The following RNF150 variants were observed in gnomAD, a reference collection of about 807,000 sequenced individuals.
RNF150 encodes ring finger protein 150.
A neutral mutation model predicts 39.3 loss-of-function variants in RNF150; 24 were observed. The observed-to-expected ratio is 0.61, with a 90% confidence interval of 0.44 to 0.86. The LOEUF is 0.86. Ranked by LOEUF, RNF150 falls within the 40% of genes least tolerant of loss-of-function variation. RNF150 has a pLI of 0.00. For missense variants in RNF150, 502 were observed against 587.8 expected, an observed-to-expected ratio of 0.85 and a Z score of 1.51; for synonymous variants, 255 against 227.3, an observed-to-expected ratio of 1.12 and a Z score of -1.10.
intron 1 of RNF150, among the ~76,000 whole-genome samples, chr4:141,118,914 C>A (rs1726520972): frequency 6.6e-6 from 1 of 152,116 alleles, no homozygotes; most frequent in Non-Finnish European, 1.5e-5. Context: ...GTACCCACCA[C>A]CATGCCTGGC....
chr4:141,002,630 C>T (rs1734707119), intron 1 of RNF150, among the ~76,000 whole-genome samples: 1 of 152,120 alleles, frequency 6.6e-6, no homozygotes, highest in Non-Finnish European at 1.5e-5. Context: ...AATTGCTAAA[C>T]CTTTTAGGAA....
chr4:140,944,134 G>T (rs1732193796), intron 4 of RNF150, among the ~76,000 whole-genome samples: 1 of 152,120 alleles, frequency 6.6e-6, no homozygotes, highest in Non-Finnish European at 1.5e-5. Flanking sequence ...GAATCAGAGA[G>T]GCTAACTTAC....
chr4:141,120,918 G>C (rs901290165), intron 1 of RNF150, among the ~76,000 whole-genome samples: 1 of 152,158 alleles, frequency 6.6e-6, no homozygotes, highest in South Asian at 2.1e-4. Flanking sequence ...CAGATGGCAG[G>C]GGGCAGGAAG....
chr4:140,871,649 A>G (rs572499140), intron 6 of RNF150, among the ~76,000 whole-genome samples: 1 of 152,352 alleles, frequency 6.6e-6, no homozygotes, highest in East Asian at 1.9e-4. Context: ...CCAAAAAAAA[A>G]ATAGCACAGA....
chr4:140,921,389 A>AC (rs1731137995), intron 5 of RNF150, among the ~76,000 whole-genome samples: 2 of 151,202 alleles, frequency 1.3e-5, no homozygotes, highest in Admixed American at 1.3e-4. Flanking sequence ...AAATTCCTCG[A>AC]CACATACACT....
intron 1 of RNF150, among the ~76,000 whole-genome samples, chr4:141,001,526 C>A (rs1239872740): frequency 6.6e-6 from 1 of 152,178 alleles, no homozygotes; most frequent in South Asian, 2.1e-4. Flanking sequence ...TCTTTGGGAT[C>A]TTCTTTTTAC....
At chr4:141,018,029 A>G (rs1735345438) in intron 1 of RNF150, among the ~76,000 whole-genome samples, 1 of 152,186 alleles carries the variant, frequency 6.6e-6, no homozygotes, top group African/African-American at 2.4e-5. Context: ...CATCTGTATA[A>G]CAGTTAGGGG....
chr4:141,191,302 C>T lies in RNF150; in HGVS notation c.-6+21492G>A, dbSNP rs187139792. 4.3e-4 allele frequency among the ~76,000 whole-genome samples: 66 copies of T among 152,224 alleles called. 1 individual carries two copies. The highest frequency in any genetic ancestry group is 2.4e-3 in the Admixed American group (36 of 15,288). ...GCCTCAAGTAATCCCTGGCTGACAC[C>T]GCCTCACTCAGCCCCTCTTCTGAGA... On this transcript the variant is annotated intron_variant, in intron 1 of 7. Coordinates refer to the RNF150 transcript ENST00000420921.
chr4:140,873,319 A>C (rs2111188221), intron 6 of RNF150, among the ~76,000 whole-genome samples: 1 of 152,330 alleles, frequency 6.6e-6, no homozygotes, highest in Middle Eastern at 3.4e-3. Flanking sequence ...GGGCTAAATC[A>C]GTGGTTCACA....
intron 1 of RNF150, among the ~76,000 whole-genome samples, chr4:141,098,043 T>C (rs1452987853): frequency 6.6e-6 from 1 of 152,136 alleles, no homozygotes; most frequent in Non-Finnish European, 1.5e-5. Flanking sequence ...CATATAAATA[T>C]GTCACACAGC....
intron 4 of RNF150, among the ~76,000 whole-genome samples, chr4:140,930,139 T>C (rs755663425): frequency 3.3e-5 from 5 of 152,026 alleles, no homozygotes; most frequent in Non-Finnish European, 1.5e-5. Flanking sequence ...CCTGCCTGGG[T>C]GACAGAGCAA....
At chr4:141,194,256 C>T (rs1014245436) in intron 1 of RNF150, among the ~76,000 whole-genome samples, 1 of 152,144 alleles carries the variant, frequency 6.6e-6, no homozygotes, top group Non-Finnish European at 1.5e-5. Flanking sequence ...TATACACATT[C>T]AAAGTGTTGA....
At chr4:140,947,824 T>A in intron 3 of RNF150, 88 bp from the exon 4 acceptor site, 1 of 850,362 alleles carries the variant, frequency 1.2e-6, no homozygotes, top group Non-Finnish European at 1.8e-6. Flanking sequence ...AGAGCTTGCC[T>A]GGAGCAAAGC....
chr4:140,905,647 C>T (rs1214040589), intron 6 of RNF150, among the ~76,000 whole-genome samples: 1 of 144,798 alleles, frequency 6.9e-6, no homozygotes, highest in African/African-American at 2.5e-5. Flanking sequence ...AGAAAGGCAC[C>T]TCCCAATCCC....
At chr4:141,020,294 T>C (rs1328196151) in intron 1 of RNF150, among the ~76,000 whole-genome samples, 1 of 152,120 alleles carries the variant, frequency 6.6e-6, no homozygotes. Flanking sequence ...TTCATTTGGG[T>C]AATTTACACA....
At chr4:140,944,153 C>T (rs1732195239) in intron 4 of RNF150, among the ~76,000 whole-genome samples, 1 of 152,132 alleles carries the variant, frequency 6.6e-6, no homozygotes, top group Non-Finnish European at 1.5e-5. Flanking sequence ...ACTCTCCGTG[C>T]AAGAGAAGAT....
At chr4:141,144,634 C>T (rs1578765263) in intron 1 of RNF150, among the ~76,000 whole-genome samples, 1 of 152,200 alleles carries the variant, frequency 6.6e-6, no homozygotes, top group Non-Finnish European at 1.5e-5. Context: ...ACAAAAACGA[C>T]TCCTCCCCTC....
intron 1 of RNF150, among the ~76,000 whole-genome samples, chr4:141,197,990 C>A (rs1278661964): frequency 6.6e-6 from 1 of 151,350 alleles, no homozygotes; most frequent in Non-Finnish European, 1.5e-5. Flanking sequence ...AATTTGATTG[C>A]TTTTATTCAC....
chr4:141,059,085 T>C (rs1560714493), intron 1 of RNF150, among the ~76,000 whole-genome samples: 1 of 152,162 alleles, frequency 6.6e-6, no homozygotes, highest in African/African-American at 2.4e-5. Context: ...ATTTTGCCCC[T>C]ATCCTGTATC....
Sources: allele counts gnomAD v4.1 joint callset (sites outside exome capture counted in the v4.1 genomes callset), GRCh38; gene constraint gnomAD v4.1.1; transcripts MANE v1.5; gene names NCBI Gene and HGNC (gene_info 2026-07-23, HGNC 2026-07-21).